MMS22L: variants seen among roughly 807,000 people sequenced by gnomAD.
MMS22L encodes the protein MMS22 like, DNA repair protein.
MMS22L carries 74 observed loss-of-function variants against 159.1 expected under a neutral mutation model. That is an observed-to-expected ratio of 0.47 (90% confidence interval 0.39 to 0.56). The LOEUF (loss-of-function observed/expected upper bound fraction) is 0.56, where lower values mean the gene tolerates loss of function less well. Ranked by LOEUF, MMS22L falls within the 20% of genes least tolerant of loss-of-function variation. The pLI, the probability that MMS22L is intolerant of heterozygous loss-of-function variation, is 0.00. For synonymous variants in MMS22L, 517 were observed against 506.9 expected (o/e 1.02, Z -0.27); for missense variants, 1,351 against 1,422.1 (o/e 0.95, Z 0.80).
chr6:97,171,190 T>G (rs1161863745), intron 19 of MMS22L, among the ~76,000 whole-genome samples: 3 of 152,228 alleles, frequency 2.0e-5, no homozygotes, highest in Non-Finnish European at 4.4e-5. Flanking sequence ...TGTTCTTTTT[T>G]GTTCAAAATA....
chr6:97,282,510 C>A lies in MMS22L; in HGVS notation c.-33G>T, dbSNP rs535717386. ...TTCATGTTCTGAAACACTTGGGGTT[C>A]GTCGTATCATTAAGGGCTCCAAAGA... On this transcript the variant is annotated 5_prime_UTR_variant, in exon 2 of 25. Transcript: ENST00000683635. 2 of 1,445,674 alleles carry A rather than the reference C, an allele frequency of 1.4e-6. No homozygotes were observed. The highest frequency in any genetic ancestry group is 1.6e-5 in the African/African-American group (1 of 61,436). The allele number at this position is 1,445,674 out of a possible 1,614,324, so 89.6% of individuals were successfully genotyped here.
At chr6:97,207,191 A>C (rs1414268110) in intron 14 of MMS22L, among the ~76,000 whole-genome samples, 1 of 152,108 alleles carries the variant, frequency 6.6e-6, no homozygotes, top group African/African-American at 2.4e-5. Context: ...TCCATAATTG[A>C]GTTTTCCAGA....
chr6:97,183,860 T>A (rs1409328976), intron 15 of MMS22L, among the ~76,000 whole-genome samples: 2 of 152,180 alleles, frequency 1.3e-5, no homozygotes, highest in Non-Finnish European at 2.9e-5. Flanking sequence ...CCTGTCAGCA[T>A]TTTAAATATA....
chr6:97,168,948 T>C (rs1232721168), intron 19 of MMS22L, among the ~76,000 whole-genome samples: 1 of 152,106 alleles, frequency 6.6e-6, no homozygotes, highest in Non-Finnish European at 1.5e-5. Context: ...CTATATTTAT[T>C]TGTTGGTACC....
chr6:97,189,551 C>CAAAAAAAAAAA (rs67620002), intron 14 of MMS22L, among the ~76,000 whole-genome samples: 1 of 55,222 alleles, frequency 1.8e-5, no homozygotes, highest in Non-Finnish European at 3.0e-5. Context: ...ACTCTGTCTC[C>CAAAAAAAAAAA]AAAAAAAAAA....
At chr6:97,233,774 C>A in intron 12 of MMS22L, 87 bp downstream of exon 12, 1 of 1,387,748 alleles carries the variant, frequency 7.2e-7, no homozygotes, top group Non-Finnish European at 9.6e-7. Context: ...AAATCCATAA[C>A]TATTCATAAT....
chr6:97,155,937 C>A (rs1203386720), intron 22 of MMS22L, among the ~76,000 whole-genome samples: 1 of 151,936 alleles, frequency 6.6e-6, no homozygotes, highest in Admixed American at 6.6e-5. Flanking sequence ...TGAACTAATT[C>A]ACACTCCCAA....
chr6:97,182,138 G>GTT, intron 15 of MMS22L, 84 bp from the exon 16 acceptor site: 6 of 964,034 alleles, frequency 6.2e-6, no homozygotes, highest in Non-Finnish European at 8.7e-6. Context: ...ATTATAACAA[G>GTT]TGTTTTTTTT....
chr6:97,272,493 G>GT (rs1815848055), intron 6 of MMS22L: 1 of 466,960 alleles, frequency 2.1e-6, no homozygotes, highest in African/African-American at 2.0e-5. Flanking sequence ...AATGATTCTG[G>GT]TAAGTTGTAA....
chr6:97,199,481 G>A (rs1352651440), intron 14 of MMS22L, among the ~76,000 whole-genome samples: 1 of 152,074 alleles, frequency 6.6e-6, no homozygotes, highest in Non-Finnish European at 1.5e-5. Context: ...CCAATTCTAT[G>A]TGAACAGATT....
At chr6:97,219,416 C>T (rs2127973225) in intron 14 of MMS22L, among the ~76,000 whole-genome samples, 2 of 152,274 alleles carry the variant, frequency 1.3e-5, no homozygotes, top group South Asian at 4.2e-4. Flanking sequence ...CTGCTGCTAT[C>T]CACTACATTA....
intron 22 of MMS22L, among the ~76,000 whole-genome samples, chr6:97,161,030 TTGTC>T (rs1213293746): frequency 5.3e-5 from 8 of 152,104 alleles, no homozygotes; most frequent in South Asian, 2.1e-4. Flanking sequence ...TTTGAAGTCT[TTGTC>T]TGTTAAAGAC....
chr6:97,148,926 C>G (rs1801056411), intron 24 of MMS22L, among the ~76,000 whole-genome samples: 1 of 151,914 alleles, frequency 6.6e-6, no homozygotes, highest in Non-Finnish European at 1.5e-5. Context: ...ATAGGTATAC[C>G]ATTTTAAAAT....
intron 15 of MMS22L, among the ~76,000 whole-genome samples, chr6:97,184,466 A>G (rs1422868524): frequency 6.6e-6 from 1 of 152,070 alleles, no homozygotes; most frequent in African/African-American, 2.4e-5. Flanking sequence ...TGCCTACTTA[A>G]CATGCCTACT....
intron 14 of MMS22L, among the ~76,000 whole-genome samples, chr6:97,219,680 C>A (rs556033501): frequency 3.3e-5 from 5 of 152,272 alleles, no homozygotes; most frequent in Admixed American, 1.3e-4. Context: ...AGAGGGTGAT[C>A]TGAACTCAGG....
intron 24 of MMS22L, among the ~76,000 whole-genome samples, 191 bp from the exon 25 acceptor site, chr6:97,147,078 G>T (rs1299138857): frequency 1.3e-5 from 2 of 152,056 alleles, no homozygotes; most frequent in Non-Finnish European, 2.9e-5. Context: ...ATGTTAAGAT[G>T]TATTAAAGTA....
chr6:97,231,499 A>G lies in MMS22L; in HGVS notation c.1456T>C (p.Cys486Arg). 1 of 1,613,802 alleles carries G rather than the reference A, an allele frequency of 6.2e-7. No individual in the cohort carries two copies. Among genetic ancestry groups the G allele is most frequent in the East Asian group, 2.2e-5 (1 of 44,828 alleles). Residue 486 changes from cysteine to arginine, a missense_variant, in exon 13 of 25, where the codon TGT (cysteine) becomes CGT (arginine). Cys to Arg is a radical substitution (Grantham distance 180). Transcript: ENST00000683635. Reference sequence around the variant, plus strand: ...TTTTTAACAACTTTTGCCAGAATACAAAGAAAAATAGTATAACTACTGCTG... The same window carrying G: ...TTTTTAACAACTTTTGCCAGAATACGAAGAAAAATAGTATAACTACTGCTG... ...KSSSSYTIFL[C>R]ILAKVVKKAM...
intron 22 of MMS22L, among the ~76,000 whole-genome samples, chr6:97,156,171 C>A (rs571147663): frequency 6.6e-6 from 1 of 151,836 alleles, no homozygotes; most frequent in Non-Finnish European, 1.5e-5. Context: ...CATTTTTTGA[C>A]GGGGTTGTTT....
rs1362015697 is a variant in MMS22L, at chr6:97,168,174, A to G, written c.2906T>C (p.Ile969Thr). Residue 969 changes from isoleucine (I) to threonine (T), a missense_variant, in exon 20 of 25, where the codon ATC (isoleucine) becomes ACC (threonine). By Grantham distance (89) the Ile-to-Thr change is moderately conservative (BLOSUM62 -1). Transcript: ENST00000683635. ...ATGTGGCAGCAGTAAACAATCTATG[A>G]TCCGGAATAGTAATTTTTGGGCTTT... ...TSKAQKLLFR[I>T]IDCLLLPHAV... 6 of 1,613,190 alleles carry G rather than the reference A, an allele frequency of 3.7e-6. No individual in the cohort carries two copies. In the South Asian group the frequency reaches 6.6e-5, roughly 18 times the overall value.
Sources: allele counts gnomAD v4.1 joint callset (sites outside exome capture counted in the v4.1 genomes callset), GRCh38; gene constraint gnomAD v4.1.1; transcripts MANE v1.5; gene names NCBI Gene and HGNC (gene_info 2026-07-23, HGNC 2026-07-21).